The following RAD52 variants were observed in gnomAD, a reference collection of about 807,000 sequenced individuals.
The protein encoded by RAD52 is DNA repair protein RAD52 homolog.
Under a neutral mutation model 55.5 loss-of-function variants are expected in RAD52, and 47 were observed. That is an observed-to-expected ratio of 0.85 (90% CI 0.67 to 1.08). RAD52 has a LOEUF of 1.08. Among genes scored for constraint, RAD52 ranks in the 50% least tolerant of loss-of-function variants. The probability of loss-of-function intolerance (pLI) is 0.00; values close to 1 mark genes in which losing one functional copy is unlikely to be tolerated. For missense variants in RAD52, 468 were observed against 522.8 expected, an observed-to-expected ratio of 0.90 and a Z score of 1.02; for synonymous variants, 184 against 198.9, an observed-to-expected ratio of 0.92 and a Z score of 0.63.
chr12:916,647 G>A lies in RAD52; in HGVS notation c.717C>T (p.Cys239=), dbSNP rs1258002575. ...GGACTTAGGCCGCATACCGGGAGCT[G>A]CAGTCCTGGTCCGCCGGTATCACAG... ...SHAVIPADQD[C]SSRSLSSSAV... Residue 239 remains cysteine (C), a synonymous_variant, in exon 8 of 12, where the codon TGC becomes TGT. Transcript: ENST00000358495. The A allele has an allele frequency of 1.2e-6, 2 of 1,613,242 alleles. No homozygotes were observed. The highest frequency in any genetic ancestry group is 2.7e-5 in the African/African-American group (2 of 74,870).
At chr12:957,822 A>G (rs1958629467) in intron 1 of RAD52, among the ~76,000 whole-genome samples, 1 of 152,248 alleles carries the variant, frequency 6.6e-6, no homozygotes, top group South Asian at 2.1e-4. Context: ...ACAAAAAAAG[A>G]ATTGCCATTT....
intron 7 of RAD52, among the ~76,000 whole-genome samples, chr12:917,520 T>C (rs1050557634): frequency 6.6e-6 from 1 of 152,160 alleles, no homozygotes; most frequent in African/African-American, 2.4e-5. Context: ...GATTACATTT[T>C]GACCTGAAAA....
intron 1 of RAD52, among the ~76,000 whole-genome samples, chr12:969,758 C>A (rs950160893): frequency 2.1e-4 from 32 of 151,386 alleles, no homozygotes; most frequent in African/African-American, 7.6e-4. Context: ...CCACTGCACT[C>A]CAGCCTGGGT....
intron 7 of RAD52, among the ~76,000 whole-genome samples, chr12:923,223 A>T (rs899441561): frequency 9.0e-5 from 10 of 110,766 alleles, no homozygotes; most frequent in Non-Finnish European, 1.5e-4. Flanking sequence ...CTCACCTCTT[A>T]AAAAAAAAAG....
chr12:971,384 ATATAGGAC>A (rs1958849128), intron 1 of RAD52, among the ~76,000 whole-genome samples: 1 of 152,066 alleles, frequency 6.6e-6, no homozygotes, highest in Non-Finnish European at 1.5e-5. Context: ...ATAAGCTAAT[ATATAGGAC>A]TTAGAATCGT....
chr12:989,599 A>T (rs184281685), intron 1 of RAD52, among the ~76,000 whole-genome samples: 1 of 152,362 alleles, frequency 6.6e-6, no homozygotes, highest in East Asian at 1.9e-4. Context: ...GTGTTAGGAC[A>T]GTATTTCCGT....
rs1379882284 is a variant in RAD52 at position 919,779 on chromosome 12, G to C, written c.544-2959C>G. Among the ~76,000 whole-genome samples the C allele has an allele frequency of 1.4e-4, 16 of 111,892 alleles. 4 individuals carry two copies. Among genetic ancestry groups the C allele is most frequent in the Admixed American group, 1.4e-3 (16 of 11,680 alleles). The allele number at this position is 111,892 out of a possible 152,430, so 73.4% of individuals were successfully genotyped here. A position where few individuals can be genotyped will look rare whatever the true frequency, so the allele number is the denominator to read the frequency against. Reference sequence around the variant, plus strand: ...AAAAAAAAAAAAATCTGGGCTCAGCGTGGTGGCTCACGCCTGTAATCCCAA... The same window carrying C: ...AAAAAAAAAAAAATCTGGGCTCAGCCTGGTGGCTCACGCCTGTAATCCCAA... On this transcript the variant is annotated intron_variant, in intron 7 of 11. Transcript: ENST00000358495.
At chr12:949,813 G>A (rs1958471136), upstream of RAD52, 1 of 152,012 alleles carries the variant, frequency 6.6e-6, no homozygotes, top group Admixed American at 6.6e-5. Flanking sequence ...GGGGAAAAGA[G>A]CCGCAAAGCC....
Position 912,530 on chromosome 12 carries a change from C to CTTCTATT in RAD52, c.*860_*861insAATAGAA. 1 of 182,908 alleles carries CTTCTATT rather than the reference C, an allele frequency of 5.5e-6. No homozygotes were observed. Among genetic ancestry groups the CTTCTATT allele is most frequent in the Non-Finnish European group, 1.2e-5 (1 of 86,512 alleles). 11.3% of individuals were successfully genotyped at this position (182,908 alleles called of 1,614,324 possible). ...TTCAGATAAGCAATATATATATATT[C>CTTCTATT]TATTTTGTTAATAAGGTATACGATT... On this transcript the variant is annotated 3_prime_UTR_variant, in exon 12 of 12. Transcript: ENST00000358495.
chr12:989,741 C>T (rs188670192), intron 1 of RAD52: 2 of 152,122 alleles, frequency 1.3e-5, no homozygotes. Context: ...TGCCTGAGGC[C>T]ACACAAGTAG....
At chr12:926,910 G>C (rs747398821) in intron 6 of RAD52, 1 of 1,537,128 alleles carries the variant, frequency 6.5e-7, no homozygotes, top group Non-Finnish European at 8.7e-7. Context: ...AGAAGAGAGA[G>C]TACAGGATTC....
At chr12:949,037 A>T (rs936289252) in intron 1 of RAD52, among the ~76,000 whole-genome samples, 4 of 152,034 alleles carry the variant, frequency 2.6e-5, no homozygotes, top group Non-Finnish European at 5.9e-5. Context: ...TACTCAGCTA[A>T]AGTGAGCGTC....
At chr12:977,969 T>G (rs959615204) in intron 1 of RAD52, among the ~76,000 whole-genome samples, 2 of 152,090 alleles carry the variant, frequency 1.3e-5, no homozygotes, top group African/African-American at 4.8e-5. Context: ...AATGATCAAG[T>G]TGAGTGAATA....
chr12:975,520 G>A (rs775993273), intron 1 of RAD52: 1 of 152,118 alleles, frequency 6.6e-6, no homozygotes, highest in Non-Finnish European at 1.5e-5. Context: ...GGTAATAAAG[G>A]AGGATCCAAA....
At position 914,109 on chromosome 12, in the gene RAD52, T is replaced by A; in HGVS notation, c.980A>T (p.Asp327Val). 6.2e-7 allele frequency: 1 copy of A among 1,613,938 alleles called. No individual in the cohort carries two copies. The highest frequency in any genetic ancestry group is 1.7e-5 in the Admixed American group (1 of 60,012). The change falls in exon 11 of 12, where the codon GAC becomes GTC. Residue 327 changes from aspartate (D) to valine (V), a missense_variant. Coordinates refer to ENST00000358495, the MANE Select transcript of RAD52 (RefSeq NM_134424.4). ...VTQELIKTLE[D>V]NSEKWAVTPD... is the part of the protein sequence containing the mutation. ...AGTCACAGCCCACTTTTCAGAGTTG[T>A]CTTCAAGAGTCTCTACAGAGGTCAA...
intron 7 of RAD52, among the ~76,000 whole-genome samples, chr12:924,907 C>G (rs1418374886): frequency 6.6e-6 from 1 of 151,474 alleles, no homozygotes; most frequent in Non-Finnish European, 1.5e-5. Flanking sequence ...CCTACACGTA[C>G]ACAAATTCTC....
chr12:926,955 GA>G, intron 6 of RAD52, 189 bp downstream of exon 6: 1 of 1,544,906 alleles, frequency 6.5e-7, no homozygotes, highest in Non-Finnish European at 8.7e-7. Flanking sequence ...GCCTGAAACA[GA>G]AACATTGAAA....
chr12:936,253 G>A (rs1442105196), intron 1 of RAD52, among the ~76,000 whole-genome samples: 7 of 151,814 alleles, frequency 4.6e-5, no homozygotes, highest in Non-Finnish European at 8.8e-5. Context: ...GCAGTGAGCC[G>A]AGACCACACC....
intron 1 of RAD52, among the ~76,000 whole-genome samples, chr12:985,921 G>A (rs1959080103): frequency 1.3e-5 from 2 of 149,338 alleles, no homozygotes; most frequent in African/African-American, 4.9e-5. Flanking sequence ...TTATAGGTAT[G>A]AGCTAACGCA....
Sources: gnomAD v4.1 joint callset for allele counts (sites outside exome capture counted in the v4.1 genomes callset) on GRCh38, gnomAD v4.1.1 for gene constraint, MANE v1.5 for transcripts, NCBI Gene and HGNC (gene_info 2026-07-23, HGNC 2026-07-21) for gene names.